The following UNK variants were observed in gnomAD, a reference collection of about 807,000 sequenced individuals.
UNK encodes the protein RING finger protein unkempt homolog.
In UNK, 32 loss-of-function variants were observed where a neutral mutation model predicts 97.6. That is an observed-to-expected ratio of 0.33 (90% CI 0.25 to 0.44). The LOEUF is 0.44. Ranked by LOEUF, UNK falls within the 20% of genes least tolerant of loss-of-function variation. The pLI is 1.00. For synonymous variants in UNK, 441 were observed against 461.2 expected (o/e 0.96, Z 0.56); for missense variants, 771 against 1,098.4 (o/e 0.70, Z 4.21).
chr17:75,807,164 C>G (rs949553541), intron 1 of UNK, among the ~76,000 whole-genome samples: 6 of 152,240 alleles, frequency 3.9e-5, no homozygotes, highest in African/African-American at 9.6e-5. Flanking sequence ...CCTGTGCTTT[C>G]ATGAGGCACT....
intron 2 of UNK, 70 bp from the exon 3 acceptor site, chr17:75,812,042 G>A: frequency 6.7e-7 from 1 of 1,498,472 alleles, no homozygotes; most frequent in Non-Finnish European, 9.0e-7. Context: ...TTGGGGTAAG[G>A]GCAGGGGGTA....
intron 1 of UNK, chr17:75,792,000 C>T (rs2061767307): frequency 1.0e-6 from 1 of 985,484 alleles, no homozygotes; most frequent in Non-Finnish European, 1.2e-6. Flanking sequence ...TCCCGCTTTT[C>T]AACACCCTGA....
intron 1 of UNK, among the ~76,000 whole-genome samples, chr17:75,797,236 G>A (rs989580711): frequency 2.0e-5 from 3 of 151,978 alleles, no homozygotes; most frequent in Non-Finnish European, 4.4e-5. Context: ...TTTGTTTTTT[G>A]TTTTTGTTTT....
intron 1 of UNK, among the ~76,000 whole-genome samples, chr17:75,789,980 A>G (rs2061748712): frequency 9.9e-6 from 1 of 101,304 alleles, no homozygotes; most frequent in Non-Finnish European, 2.6e-5. Flanking sequence ...CGTCTCTACT[A>G]AAAATACAAA....
At chr17:75,813,320 G>C (rs770416827) in intron 5 of UNK, 107 bp downstream of exon 5, 282 of 1,419,220 alleles carry the variant, frequency 2.0e-4, no homozygotes, top group Non-Finnish European at 2.5e-4. Context: ...GCTGGTCCTG[G>C]GGATGACAGG....
intron 1 of UNK, among the ~76,000 whole-genome samples, chr17:75,804,656 T>C (rs903869128): frequency 2.7e-5 from 4 of 150,636 alleles, no homozygotes; most frequent in African/African-American, 9.8e-5. Flanking sequence ...TGGGCAAATA[T>C]GGTGAAACAC....
chr17:75,819,095 AC>A lies in UNK; in HGVS notation c.1546+280del. On this transcript the variant is annotated intron_variant, in intron 11 of 15. Transcript: ENST00000589666. The surrounding 1 kb of genome is among the most constrained non-coding windows in gnomAD (Gnocchi z 5.4). ...CCCCAAGACGTGTTGTTCAGTCCCC[AC>A]TCATCTCACTGGTGTCCTTGTGTAG... 2 of 376,626 alleles carry A rather than the reference AC, an allele frequency of 5.3e-6. No individual in the cohort carries two copies. Among genetic ancestry groups the A allele is most frequent in the Non-Finnish European group, 9.5e-6 (2 of 211,302 alleles). The allele number at this position is 376,626 out of a possible 1,614,324, so 23.3% of individuals were successfully genotyped here. A position where few individuals can be genotyped will look rare whatever the true frequency, so the allele number is the denominator to read the frequency against.
intron 1 of UNK, among the ~76,000 whole-genome samples, chr17:75,803,483 G>C (rs2061882558): frequency 6.6e-6 from 1 of 152,184 alleles, no homozygotes. Flanking sequence ...ACAACCTAAA[G>C]TGTAATCTGC....
chr17:75,813,296 C>T (rs531187173), intron 5 of UNK, 83 bp downstream of exon 5: 60 of 1,474,792 alleles, frequency 4.1e-5, no homozygotes, highest in Non-Finnish European at 5.0e-5. Context: ...ACTGGCTCTC[C>T]GGGAGGAGGG....
At position 75,812,467 on chromosome 17, in the gene UNK, C is replaced by T. The variant is rs1332634425; in HGVS notation, c.504C>T (p.Ala168=). 1 of 1,611,540 alleles carries T rather than the reference C, an allele frequency of 6.2e-7. No individual in the cohort carries two copies. The highest frequency in any genetic ancestry group is 1.1e-5 in the South Asian group (1 of 90,900). ...CCTCTCCTCCCAGGGAGCTTCAGGC[C>T]ATGGAGGCCTTGCAGAATGGCCAGA... ...SPVYDIRELQ[A]MEALQNGQTT... The change falls in exon 4 of 16, where the codon GCC becomes GCT. Residue 168 remains alanine, a synonymous_variant. Coordinates refer to ENST00000589666, the MANE Select transcript of UNK (RefSeq NM_001080419.3).
rs1161833781 is a variant in UNK, at chr17:75,807,547, C to G, written c.105-2213C>G. Among the ~76,000 whole-genome samples, 3 of 152,238 alleles carry G rather than the reference C, an allele frequency of 2.0e-5. No homozygotes were observed. In the East Asian group the frequency reaches 5.8e-4, roughly 29 times the overall value. ...CTTGGCTCACTGCAACCTCCGCCTC[C>G]TGGGTTCAGGTACTTCTACCTCAGC... On this transcript the variant is annotated intron_variant, in intron 1 of 15. Coordinates refer to ENST00000589666, the MANE Select transcript of UNK (RefSeq NM_001080419.3).
At chr17:75,797,464 AC>A (rs1234830519) in intron 1 of UNK, among the ~76,000 whole-genome samples, 1 of 152,188 alleles carries the variant, frequency 6.6e-6, no homozygotes, top group African/African-American at 2.4e-5. Flanking sequence ...CGAACTCCTG[AC>A]CTCAGGCGAT....
In UNK at chr17:75,789,975, C is replaced by T. The variant is rs886596910; in HGVS notation, c.104+4991C>T. 1.1e-4 allele frequency among the ~76,000 whole-genome samples: 12 copies of T among 108,922 alleles called. No individual in the cohort carries two copies. In the East Asian group the frequency reaches 3.1e-3, roughly 28 times the overall value. The allele number at this position is 108,922 out of a possible 152,430, so 71.5% of individuals were successfully genotyped here. On this transcript the variant is annotated intron_variant, in intron 1 of 15. Coordinates refer to ENST00000589666, the MANE Select transcript of UNK (RefSeq NM_001080419.3). ...GGCCAACGTGGTAAAACCCCCGTCT[C>T]TACTAAAAATACAAAAAAATAGCTG...
intron 13 of UNK, chr17:75,821,298 G>A (rs2062065605): frequency 2.3e-6 from 1 of 440,742 alleles, no homozygotes; most frequent in African/African-American, 2.0e-5. Flanking sequence ...CAGGTGTATT[G>A]ATACAGGTGT....
chr17:75,809,650 T>G (rs932973510), intron 1 of UNK, 110 bp from the exon 2 acceptor site: 1 of 1,186,578 alleles, frequency 8.4e-7, no homozygotes, highest in African/African-American at 1.5e-5. Context: ...CCAGTGGAAC[T>G]AGCACCCCAG....
intron 4 of UNK, among the ~76,000 whole-genome samples, chr17:75,812,812 G>A (rs1187935657): frequency 1.3e-4 from 20 of 152,240 alleles, no homozygotes; most frequent in Admixed American, 1.1e-3. Context: ...ACGTACATAA[G>A]CGCACATGCA....
intron 1 of UNK, among the ~76,000 whole-genome samples, chr17:75,802,339 A>C (rs2061869178): frequency 6.9e-6 from 1 of 143,966 alleles, no homozygotes; most frequent in South Asian, 2.1e-4. Context: ...GCTCACTGCA[A>C]CCTCAAACTC....
chr17:75,803,094 C>T lies in UNK; in HGVS notation c.105-6666C>T, dbSNP rs553902647. 5.7e-4 allele frequency among the ~76,000 whole-genome samples: 56 copies of T among 98,450 alleles called. 1 individual carries two copies. Among genetic ancestry groups the T allele is most frequent in the African/African-American group, 2.0e-3 (41 of 20,352 alleles). 64.6% of individuals were successfully genotyped at this position (98,450 alleles called of 152,430 possible). A position where few individuals can be genotyped will look rare whatever the true frequency, so the allele number is the denominator to read the frequency against. On this transcript the variant is annotated intron_variant, in intron 1 of 15. Coordinates refer to ENST00000589666, the MANE Select transcript of UNK (RefSeq NM_001080419.3). ...TGGCCAACATGGTGAAACCTCGTCT[C>T]TACTAAAAATACAAAAATTACAGGC...
chr17:75,785,007 C>G lies in UNK; in HGVS notation c.104+23C>G, dbSNP rs1039438829. On this transcript the variant is annotated intron_variant, in intron 1 of 15. Coordinates refer to ENST00000589666, the MANE Select transcript of UNK (RefSeq NM_001080419.3). Reference sequence around the variant, plus strand: ...CACGTACGTAGAGCCCCCCCCCCCCCGCCGCGCGCGCACGCCTGACGTCAG... The same window carrying G: ...CACGTACGTAGAGCCCCCCCCCCCCGGCCGCGCGCGCACGCCTGACGTCAG... 1.6e-5 allele frequency: 19 copies of G among 1,225,450 alleles called. No homozygotes were observed. In the East Asian group the frequency reaches 4.8e-4, roughly 31 times the overall value. 75.9% of individuals were successfully genotyped at this position (1,225,450 alleles called of 1,614,324 possible).
Sources: allele counts gnomAD v4.1 joint callset (sites outside exome capture counted in the v4.1 genomes callset), GRCh38; gene constraint gnomAD v4.1.1; non-coding constraint Gnocchi (gnomAD v3.1); transcripts MANE v1.5; gene names NCBI Gene and HGNC (gene_info 2026-07-23, HGNC 2026-07-21).